Variants in HTR1F observed in about 807,000 individuals in gnomAD.
The protein encoded by HTR1F is 5-hydroxytryptamine (serotonin) receptor 1F, G protein-coupled.
A neutral mutation model predicts 24.0 loss-of-function variants in HTR1F; 17 were observed. The ratio of observed to expected loss-of-function variants is 0.71; its 90% CI spans 0.48 to 1.06. HTR1F has a LOEUF of 1.06. Among genes scored for constraint, HTR1F ranks in the 50% least tolerant of loss-of-function variants. HTR1F has a pLI of 0.00. For missense variants in HTR1F, 391 were observed against 427.8 expected (o/e 0.91, Z 0.76); for synonymous variants, 186 against 156.8 (o/e 1.19, Z -1.39).
intron 2 of HTR1F, among the ~76,000 whole-genome samples, chr3:87,902,217 G>A (rs1427159769): frequency 1.3e-5 from 2 of 152,032 alleles, no homozygotes; most frequent in Non-Finnish European, 2.9e-5. Context: ...GTAAGGACAG[G>A]AAAGTAGCAC....
chr3:87,797,603 C>T (rs925530674), intron 1 of HTR1F, among the ~76,000 whole-genome samples: 5 of 151,776 alleles, frequency 3.3e-5, no homozygotes, highest in Non-Finnish European at 7.4e-5. Context: ...ACCTTTGAAT[C>T]ACGTGCACAT....
chr3:87,862,621 CTT>C (rs1705340868), intron 2 of HTR1F, among the ~76,000 whole-genome samples: 1 of 152,152 alleles, frequency 6.6e-6, no homozygotes, highest in Non-Finnish European at 1.5e-5. Flanking sequence ...AGACACGTGT[CTT>C]TTCCATGGAT....
chr3:87,980,879 G>A (rs1320259989), intron 2 of HTR1F, among the ~76,000 whole-genome samples: 1 of 152,190 alleles, frequency 6.6e-6, no homozygotes, highest in Non-Finnish European at 1.5e-5. Flanking sequence ...AGTGGGGAGA[G>A]ATCAGGCAGC....
intron 2 of HTR1F, among the ~76,000 whole-genome samples, chr3:87,922,434 T>C (rs1369321493): frequency 3.3e-5 from 5 of 152,106 alleles, no homozygotes; most frequent in African/African-American, 1.2e-4. Context: ...AGATGAATTG[T>C]CTGCAAATAT....
At chr3:87,857,945 C>A (rs1287430070) in intron 2 of HTR1F, among the ~76,000 whole-genome samples, 1 of 152,038 alleles carries the variant, frequency 6.6e-6, no homozygotes, top group Non-Finnish European at 1.5e-5. Context: ...TATTTTTCAA[C>A]TAAATTGCTT....
intron 2 of HTR1F, among the ~76,000 whole-genome samples, chr3:87,983,224 G>A (rs1379345670): frequency 1.3e-5 from 2 of 152,124 alleles, no homozygotes; most frequent in African/African-American, 2.4e-5. Flanking sequence ...TCTGAGAAGT[G>A]TATGTCAGGA....
At chr3:87,988,153 G>A (rs529028006) in intron 2 of HTR1F, among the ~76,000 whole-genome samples, 163 of 152,170 alleles carry the variant, frequency 1.1e-3, no homozygotes, top group African/African-American at 3.7e-3. Flanking sequence ...ACCAGCTCGA[G>A]AGGGTGGGAC....
chr3:87,851,026 T>C, intron 2 of HTR1F, among the ~76,000 whole-genome samples: 1 of 151,732 alleles, frequency 6.6e-6, no homozygotes, highest in South Asian at 2.1e-4. Context: ...AGACAGTATG[T>C]TTAAATGCAG....
At chr3:87,959,954 C>A (rs1216687992) in intron 2 of HTR1F, among the ~76,000 whole-genome samples, 3 of 151,868 alleles carry the variant, frequency 2.0e-5, no homozygotes, top group Non-Finnish European at 2.9e-5. Context: ...AATTCAGCAG[C>A]TATTCAAAAA....
intron 2 of HTR1F, among the ~76,000 whole-genome samples, chr3:87,972,808 T>C (rs1250453927): frequency 6.6e-6 from 1 of 152,130 alleles, no homozygotes; most frequent in Non-Finnish European, 1.5e-5. Flanking sequence ...TAAACCTGTT[T>C]TCTTTCTCTC....
At chr3:87,853,518 C>A (rs1705133906) in intron 2 of HTR1F, among the ~76,000 whole-genome samples, 1 of 152,050 alleles carries the variant, frequency 6.6e-6, no homozygotes. Flanking sequence ...GTTAATAGTG[C>A]TGCAATGAAC....
intron 2 of HTR1F, among the ~76,000 whole-genome samples, chr3:87,937,900 G>C (rs1403486365): frequency 1.3e-5 from 2 of 149,548 alleles, no homozygotes; most frequent in African/African-American, 2.5e-5. Flanking sequence ...CTCCAGCTTG[G>C]GCAATAGAGC....
intron 1 of HTR1F, among the ~76,000 whole-genome samples, chr3:87,799,719 T>C (rs1343863007): frequency 6.6e-6 from 1 of 152,162 alleles, no homozygotes; most frequent in Non-Finnish European, 1.5e-5. Flanking sequence ...GTACAAGTAG[T>C]CCCCTGAGTA....
At chr3:87,875,488 G>C (rs1412762872) in intron 2 of HTR1F, among the ~76,000 whole-genome samples, 1 of 151,824 alleles carries the variant, frequency 6.6e-6, no homozygotes, top group African/African-American at 2.4e-5. Flanking sequence ...CACAGCAAAG[G>C]TATCAACCAA....
intron 1 of HTR1F, among the ~76,000 whole-genome samples, chr3:87,801,780 G>A (rs149249068): frequency 1.3e-5 from 2 of 152,252 alleles, no homozygotes; most frequent in Admixed American, 6.5e-5. Context: ...GATTTTGGAG[G>A]CCTAAGATAT....
chr3:87,811,411 G>A (rs774701679), intron 1 of HTR1F, among the ~76,000 whole-genome samples: 63 of 152,180 alleles, frequency 4.1e-4, no homozygotes, highest in East Asian at 7.7e-4. Context: ...GGAAAAAGTC[G>A]AAATTAATGG....
At chr3:87,885,606 A>AAAG (rs57439355) in intron 2 of HTR1F, among the ~76,000 whole-genome samples, 56,062 of 151,526 alleles carry the variant, frequency 0.37, 15,157 homozygotes, top group African/African-American at 0.77. Context: ...CAAGACTAAT[A>AAAG]AAGAAAAGAG....
intron 2 of HTR1F, among the ~76,000 whole-genome samples, chr3:87,967,643 C>T (rs949905356): frequency 6.6e-5 from 10 of 151,980 alleles, no homozygotes; most frequent in Admixed American, 2.6e-4. Flanking sequence ...AAAAATGTCA[C>T]GAGATCTGAT....
intron 1 of HTR1F, among the ~76,000 whole-genome samples, 175 bp downstream of exon 1, chr3:87,793,017 C>A (rs553706653): frequency 6.6e-6 from 1 of 152,348 alleles, no homozygotes; most frequent in South Asian, 2.1e-4. Flanking sequence ...GATCTAACAG[C>A]GCAGGAATTC....
Sources: allele counts gnomAD v4.1 joint callset (sites outside exome capture counted in the v4.1 genomes callset), GRCh38; gene constraint gnomAD v4.1.1; transcripts MANE v1.5; gene names NCBI Gene and HGNC (gene_info 2026-07-23, HGNC 2026-07-21).